MBNL2: variants seen among roughly 807,000 people sequenced by gnomAD.
MBNL2 encodes the protein muscleblind like splicing regulator 2, also known as muscleblind-like protein 2.
In MBNL2, 17 loss-of-function variants were observed where a neutral mutation model predicts 41.9. The observed-to-expected ratio is 0.41, with a 90% CI of 0.28 to 0.61. The LOEUF (loss-of-function observed/expected upper bound fraction) is 0.61, where lower values mean the gene tolerates loss of function less well. Ranked by LOEUF, MBNL2 falls within the 20% of genes least tolerant of loss-of-function variation. The pLI is 0.35. For synonymous variants in MBNL2, 195 were observed against 182.9 expected, an observed-to-expected ratio of 1.07 and a Z score of -0.53; for missense variants, 336 against 505.6, an observed-to-expected ratio of 0.66 and a Z score of 3.22.
At chr13:97,238,120 G>A (rs771637713) in intron 1 of MBNL2, among the ~76,000 whole-genome samples, 4 of 152,168 alleles carry the variant, frequency 2.6e-5, no homozygotes, top group South Asian at 2.1e-4. Context: ...GTTTGAAGTC[G>A]GAATGTCCTC....
chr13:97,331,336 A>G (rs2060419052), intron 2 of MBNL2, among the ~76,000 whole-genome samples: 1 of 152,224 alleles, frequency 6.6e-6, no homozygotes, highest in South Asian at 2.1e-4. Context: ...TCATGCAGCT[A>G]AGAAAAGGTC....
At chr13:97,365,236 T>C in intron 8 of MBNL2, 65 bp downstream of exon 8, 1 of 1,011,620 alleles carries the variant, frequency 9.9e-7, no homozygotes. Flanking sequence ...GCTTGAAATT[T>C]ATTTCAGAGA....
At chr13:97,388,607 C>T (rs188700119) in intron 8 of MBNL2, among the ~76,000 whole-genome samples, 1 of 152,190 alleles carries the variant, frequency 6.6e-6, no homozygotes, top group Non-Finnish European at 1.5e-5. Flanking sequence ...GTCCCACACT[C>T]CCCTGGGACT....
the MBNL2 span, among the ~76,000 whole-genome samples, chr13:97,189,872 G>A: frequency 7.9e-5 from 12 of 152,176 alleles, no homozygotes; most frequent in South Asian, 2.1e-4. Context: ...AGAACCACAC[G>A]CACAGCATGT....
chr13:97,154,662 G>A, the MBNL2 span, among the ~76,000 whole-genome samples: 2 of 152,098 alleles, frequency 1.3e-5, no homozygotes, highest in East Asian at 1.9e-4. Flanking sequence ...GATTAAATTC[G>A]TTTGGATGAT....
intron 2 of MBNL2, among the ~76,000 whole-genome samples, chr13:97,324,835 G>A (rs2059787821): frequency 6.6e-6 from 1 of 152,290 alleles, no homozygotes; most frequent in East Asian, 1.9e-4. Context: ...TTCGAGGGAA[G>A]GAAGCATCCT....
chr13:97,312,004 C>A (rs2058656171), intron 2 of MBNL2, among the ~76,000 whole-genome samples: 1 of 152,130 alleles, frequency 6.6e-6, no homozygotes, highest in Admixed American at 6.5e-5. Context: ...TGAATGAAAC[C>A]AACTGATGAC....
At chr13:97,263,203 G>A (rs1286738096) in intron 1 of MBNL2, among the ~76,000 whole-genome samples, 1 of 152,122 alleles carries the variant, frequency 6.6e-6, no homozygotes, top group South Asian at 2.1e-4. Context: ...TCTCACCACT[G>A]CAGTGTAATT....
chr13:97,178,887 A>G, the MBNL2 span, among the ~76,000 whole-genome samples: 2 of 152,174 alleles, frequency 1.3e-5, no homozygotes, highest in African/African-American at 2.4e-5. Context: ...ACAGAGAAAG[A>G]CCTTGTCTCA....
At chr13:97,389,517 A>G (rs2066221919) in intron 8 of MBNL2, among the ~76,000 whole-genome samples, 1 of 152,162 alleles carries the variant, frequency 6.6e-6, no homozygotes, top group African/African-American at 2.4e-5. Flanking sequence ...AGCCAGGGCA[A>G]CACAGGAAGA....
the MBNL2 span, among the ~76,000 whole-genome samples, chr13:97,150,729 A>G: frequency 6.6e-6 from 1 of 152,060 alleles, no homozygotes; most frequent in Admixed American, 6.6e-5. Context: ...TTGATCTCAA[A>G]CTCCTGGCCT....
chr13:97,211,911 C>T, the MBNL2 span, among the ~76,000 whole-genome samples: 3 of 152,044 alleles, frequency 2.0e-5, no homozygotes, highest in African/African-American at 2.4e-5. Flanking sequence ...AAATGGATAT[C>T]GGAATGAGTT....
rs962538707 is a variant in MBNL2, at chr13:97,358,587, C to T, written c.1012+952C>T. Among the ~76,000 whole-genome samples, 4 of 152,128 alleles carry T rather than the reference C, an allele frequency of 2.6e-5. No individual in the cohort carries two copies. In the East Asian group the frequency reaches 7.7e-4, roughly 29 times the overall value. On this transcript the variant is annotated intron_variant, in intron 7 of 8. Coordinates refer to ENST00000679496, the MANE Select transcript of MBNL2 (RefSeq NM_001382683.1). ...TTGCACCGACATCTCTAACCACAGA[C>T]ACACACACGCACACCATACGCAAAG...
chr13:97,192,953 A>G, the MBNL2 span, among the ~76,000 whole-genome samples: 1 of 152,344 alleles, frequency 6.6e-6, no homozygotes, highest in East Asian at 1.9e-4. Flanking sequence ...TTTAGTCCCA[A>G]GACAATTCAA....
intron 2 of MBNL2, among the ~76,000 whole-genome samples, chr13:97,303,893 A>G (rs777634244): frequency 2.1e-4 from 32 of 152,232 alleles, no homozygotes; most frequent in Non-Finnish European, 4.1e-4. Context: ...AGGATTTTAC[A>G]TTGAGCCAGA....
At chr13:97,174,941 A>G in the MBNL2 span, among the ~76,000 whole-genome samples, 1 of 152,138 alleles carries the variant, frequency 6.6e-6, no homozygotes, top group Non-Finnish European at 1.5e-5. Flanking sequence ...CCAGACTTGG[A>G]TCCCTGGGAA....
intron 2 of MBNL2, among the ~76,000 whole-genome samples, chr13:97,331,185 C>T (rs1022275891): frequency 2.0e-5 from 3 of 152,176 alleles, no homozygotes; most frequent in African/African-American, 7.2e-5. Context: ...ATAACATTTA[C>T]TCAGTGCTTA....
chr13:97,271,292 G>A (rs1385231026), intron 1 of MBNL2, among the ~76,000 whole-genome samples: 2 of 151,850 alleles, frequency 1.3e-5, no homozygotes, highest in Non-Finnish European at 2.9e-5. Context: ...ATTTTTAGTA[G>A]AGACAGGGTT....
In MBNL2 at chr13:97,346,725, C is replaced by T; in HGVS notation, c.541-79C>T. On this transcript the variant is annotated intron_variant, in intron 4 of 8. Coordinates refer to ENST00000679496, the MANE Select transcript of MBNL2 (RefSeq NM_001382683.1). The surrounding 1 kb of genome is among the most constrained non-coding windows in gnomAD (Gnocchi z 4.2). Reference sequence around the variant, plus strand: ...CATTGAAAGCGAGGCAGCCTCCGCTCCTCCCGCGGTGGCCGGGGCCGCAGG... The same window carrying T: ...CATTGAAAGCGAGGCAGCCTCCGCTTCTCCCGCGGTGGCCGGGGCCGCAGG... The T allele has an allele frequency of 8.1e-7, 1 of 1,227,158 alleles. No homozygotes were observed. 76.0% of individuals were successfully genotyped at this position (1,227,158 alleles called of 1,614,324 possible).
Sources: allele counts gnomAD v4.1 joint callset (sites outside exome capture counted in the v4.1 genomes callset), GRCh38; gene constraint gnomAD v4.1.1; non-coding constraint Gnocchi (gnomAD v3.1); transcripts MANE v1.5; gene names NCBI Gene and HGNC (gene_info 2026-07-23, HGNC 2026-07-21).